The following KCNT2 variants were observed in gnomAD, a reference collection of about 807,000 sequenced individuals.
The protein encoded by KCNT2 is potassium channel subfamily T member 2.
Under a neutral mutation model 153.8 loss-of-function variants are expected in KCNT2, and 67 were observed. That is an observed-to-expected ratio of 0.44 (90% CI 0.36 to 0.53). The LOEUF is 0.53. Among genes scored for constraint, KCNT2 ranks in the 20% least tolerant of loss-of-function variants. KCNT2 has a pLI of 0.00. For synonymous variants in KCNT2, 500 were observed against 458.8 expected (o/e 1.09, Z -1.15); for missense variants, 975 against 1,354.8 (o/e 0.72, Z 4.40).
In KCNT2 at chr1:196,436,663, T is replaced by C. The variant is rs76683410; in HGVS notation, c.639-6906A>G. Among the ~76,000 whole-genome samples the C allele has an allele frequency of 2.6e-3, 400 of 151,372 alleles. 15 individuals are homozygous for C. The East Asian group carries it at 0.068, about 26-fold the overall frequency. ...AATGAAAACTGTCTCCTCTCTTTCA[T>C]CAAAATTAATGAATTTTGGTGAGTT... On this transcript the variant is annotated intron_variant, in intron 8 of 27. Coordinates refer to ENST00000294725, the MANE Select transcript of KCNT2 (RefSeq NM_198503.5).
rs369844794 is a variant in KCNT2, at chr1:196,384,545, A to C, written c.1295-11297T>G. 3.9e-5 allele frequency among the ~76,000 whole-genome samples: 6 copies of C among 152,082 alleles called. No homozygotes were observed. In the East Asian group the frequency reaches 7.8e-4, roughly 20 times the overall value. On this transcript the variant is annotated intron_variant, in intron 13 of 27. Coordinates refer to ENST00000294725, the MANE Select transcript of KCNT2 (RefSeq NM_198503.5). Reference sequence around the variant, plus strand: ...CATCTCTACTAAAACTAAAAATAAAAAATTAGCTGGGCATGGTGGTGCACG... The same window carrying C: ...CATCTCTACTAAAACTAAAAATAAACAATTAGCTGGGCATGGTGGTGCACG...
intron 12 of KCNT2, among the ~76,000 whole-genome samples, chr1:196,415,431 G>C (rs1214372043): frequency 6.6e-6 from 1 of 151,692 alleles, no homozygotes; most frequent in Non-Finnish European, 1.5e-5. Flanking sequence ...GTGGTGTCCT[G>C]TATGCTAACA....
intron 22 of KCNT2, among the ~76,000 whole-genome samples, chr1:196,301,821 C>A (rs910290441): frequency 6.6e-6 from 1 of 152,148 alleles, no homozygotes; most frequent in Non-Finnish European, 1.5e-5. Flanking sequence ...CTCACTACAC[C>A]TTCCACCTCC....
intron 23 of KCNT2, among the ~76,000 whole-genome samples, chr1:196,283,319 T>C (rs1383115214): frequency 1.3e-5 from 2 of 151,984 alleles, no homozygotes; most frequent in East Asian, 3.9e-4. Context: ...CGGGCACCTG[T>C]AGTCCCAGCT....
chr1:196,291,979 A>C (rs914543527), intron 22 of KCNT2, among the ~76,000 whole-genome samples: 2 of 152,206 alleles, frequency 1.3e-5, no homozygotes, highest in Non-Finnish European at 2.9e-5. Flanking sequence ...TTATATCAGA[A>C]AATAACATAG....
At chr1:196,468,208 G>A (rs181357525) in intron 6 of KCNT2, among the ~76,000 whole-genome samples, 35 of 152,002 alleles carry the variant, frequency 2.3e-4, no homozygotes, top group African/African-American at 7.7e-4. Flanking sequence ...GCGACATTGC[G>A]GAGCTATGTT....
intron 23 of KCNT2, among the ~76,000 whole-genome samples, chr1:196,285,406 C>G (rs1373390442): frequency 6.6e-6 from 1 of 152,072 alleles, no homozygotes; most frequent in East Asian, 1.9e-4. Context: ...ATATTAAACA[C>G]TGCAGGGCAC....
Position 196,313,327 on chromosome 1 carries a change from A to T in KCNT2, c.2483+2565T>A, listed in dbSNP as rs549788880. 1.2e-4 allele frequency among the ~76,000 whole-genome samples: 18 copies of T among 151,834 alleles called. No homozygotes were observed. The Admixed American group carries it at 1.2e-3, about 10-fold the overall frequency. On this transcript the variant is annotated intron_variant, in intron 21 of 27. Transcript: ENST00000294725. ...GAATGTGGAGTGTAAAATTATTCAT[A>T]GTTCAAGGTTTAGGCTATGACCATG...
chr1:196,558,239 G>T (rs1658929951), intron 1 of KCNT2, among the ~76,000 whole-genome samples: 1 of 151,502 alleles, frequency 6.6e-6, no homozygotes, highest in East Asian at 1.9e-4. Context: ...ACTCTCAAAT[G>T]TCACATGAAA....
In KCNT2 at chr1:196,589,106, G is replaced by A. The variant is rs183787962; in HGVS notation, c.95+19109C>T. Reference sequence around the variant, plus strand: ...ATACTATCAAAAGTAATCTTGTTTTGGAATCTACTTAGAAATACATGTCAC... The same window carrying A: ...ATACTATCAAAAGTAATCTTGTTTTAGAATCTACTTAGAAATACATGTCAC... On this transcript the variant is annotated intron_variant, in intron 1 of 27. Transcript: ENST00000294725. Among the ~76,000 whole-genome samples, 246 of 151,788 alleles carry A rather than the reference G, an allele frequency of 1.6e-3. 2 individuals are homozygous for A. In the Middle Eastern group the frequency reaches 0.027, roughly 17 times the overall value.
chr1:196,406,567 C>T lies in KCNT2; in HGVS notation c.1186-7896G>A, dbSNP rs1053103963. Among the ~76,000 whole-genome samples the T allele has an allele frequency of 2.0e-5, 3 of 147,528 alleles. No homozygotes were observed. The East Asian group carries it at 6.1e-4, about 30-fold the overall frequency. On this transcript the variant is annotated intron_variant, in intron 12 of 27. Coordinates refer to ENST00000294725, the MANE Select transcript of KCNT2 (RefSeq NM_198503.5). ...CCTATAGGCTCAACAGTGGCCTAGT[C>T]TTCATGAACAATCTACATCAAAGTC...
At chr1:196,390,582 G>T (rs921230829) in intron 13 of KCNT2, among the ~76,000 whole-genome samples, 17 of 150,680 alleles carry the variant, frequency 1.1e-4, no homozygotes, top group African/African-American at 4.1e-4. Flanking sequence ...CTCCTATGAG[G>T]TTTTTTTTGT....
At chr1:196,592,578 A>C (rs1663509201) in intron 1 of KCNT2, among the ~76,000 whole-genome samples, 1 of 147,258 alleles carries the variant, frequency 6.8e-6, no homozygotes, top group Admixed American at 6.8e-5. Flanking sequence ...TTATAGTTTT[A>C]TATAGTTAGA....
intron 25 of KCNT2, among the ~76,000 whole-genome samples, chr1:196,273,188 T>G (rs547838637): frequency 1.3e-5 from 2 of 151,844 alleles, no homozygotes; most frequent in Non-Finnish European, 3.0e-5. Flanking sequence ...TGATAATATC[T>G]TGAAATATCT....
chr1:196,363,211 C>A (rs1667770850), intron 14 of KCNT2, among the ~76,000 whole-genome samples: 1 of 151,990 alleles, frequency 6.6e-6, no homozygotes, highest in Non-Finnish European at 1.5e-5. Context: ...TGGGCTAAAA[C>A]CTAATATCAT....
intron 14 of KCNT2, among the ~76,000 whole-genome samples, chr1:196,358,528 T>A (rs1484115470): frequency 6.6e-6 from 1 of 151,938 alleles, no homozygotes; most frequent in African/African-American, 2.4e-5. Flanking sequence ...CCACCCTTTA[T>A]AATACTTCAA....
chr1:196,595,345 A>T (rs1441342207), intron 1 of KCNT2, among the ~76,000 whole-genome samples: 2 of 152,158 alleles, frequency 1.3e-5, no homozygotes, highest in Non-Finnish European at 2.9e-5. Context: ...CAAATTAAAA[A>T]GCTGTGCACT....
At chr1:196,575,671 C>T (rs1661269089) in intron 1 of KCNT2, among the ~76,000 whole-genome samples, 1 of 150,668 alleles carries the variant, frequency 6.6e-6, no homozygotes, top group Non-Finnish European at 1.5e-5. Context: ...GAATCATTAG[C>T]TCGAACTGTC....
chr1:196,354,711 T>G (rs928582186), intron 14 of KCNT2, among the ~76,000 whole-genome samples: 3 of 151,804 alleles, frequency 2.0e-5, no homozygotes, highest in Admixed American at 2.0e-4. Context: ...GCAAGGAGAT[T>G]TTAAAGGTCT....
Sources: allele counts gnomAD v4.1 joint callset (sites outside exome capture counted in the v4.1 genomes callset), GRCh38; gene constraint gnomAD v4.1.1; transcripts MANE v1.5; gene names NCBI Gene and HGNC (gene_info 2026-07-23, HGNC 2026-07-21).